The following PDZRN4 variants were observed in gnomAD, a reference collection of about 807,000 sequenced individuals.
PDZRN4 encodes PDZ domain containing ring finger 4.
Under a neutral mutation model 99.0 loss-of-function variants are expected in PDZRN4, and 70 were observed. The observed-to-expected ratio is 0.71, with a 90% CI of 0.58 to 0.86. PDZRN4 has a LOEUF of 0.86. Among genes scored for constraint, PDZRN4 ranks in the 40% least tolerant of loss-of-function variants. PDZRN4 has a pLI of 0.00. For synonymous variants in PDZRN4, 551 were observed against 501.6 expected, an observed-to-expected ratio of 1.10 and a Z score of -1.32; for missense variants, 1,474 against 1,331.2, an observed-to-expected ratio of 1.11 and a Z score of -1.67.
At chr12:41,365,991 G>A (rs918543411) in intron 3 of PDZRN4, among the ~76,000 whole-genome samples, 4 of 152,108 alleles carry the variant, frequency 2.6e-5, no homozygotes, top group Non-Finnish European at 5.9e-5. Flanking sequence ...GCTACTGTGG[G>A]ACATCGTGGC....
At chr12:41,397,457 A>T (rs1262028051) in intron 3 of PDZRN4, among the ~76,000 whole-genome samples, 1 of 152,182 alleles carries the variant, frequency 6.6e-6, no homozygotes, top group Non-Finnish European at 1.5e-5. Context: ...AAAAATGGCC[A>T]ATCAGTAATA....
At chr12:41,413,501 A>G (rs942777096) in intron 3 of PDZRN4, among the ~76,000 whole-genome samples, 3 of 152,114 alleles carry the variant, frequency 2.0e-5, no homozygotes, top group Admixed American at 2.0e-4. Context: ...TATAGTTTCA[A>G]ATAGCTAGAA....
At chr12:41,232,157 G>A (rs1222535616) in intron 3 of PDZRN4, among the ~76,000 whole-genome samples, 2 of 151,710 alleles carry the variant, frequency 1.3e-5, no homozygotes, top group East Asian at 1.9e-4. Flanking sequence ...AATCAATTAC[G>A]GAACTGCATG....
In PDZRN4 at chr12:41,557,279, T is replaced by C. The variant is rs1305026926; in HGVS notation, c.1365+1519T>C. Among the ~76,000 whole-genome samples, 3 of 151,846 alleles carry C rather than the reference T, an allele frequency of 2.0e-5. No homozygotes were observed. In the East Asian group the frequency reaches 5.8e-4, roughly 29 times the overall value. ...ATGGAATTTCACTGCCAATCACAAC[T>C]GTGAAACAGAGAGGAGGACTTGAAT... On this transcript the variant is annotated intron_variant, in intron 7 of 9. Coordinates refer to ENST00000402685, the MANE Select transcript of PDZRN4 (RefSeq NM_001164595.2).
chr12:41,435,420 A>G (rs1007618647), intron 3 of PDZRN4, among the ~76,000 whole-genome samples: 3 of 152,192 alleles, frequency 2.0e-5, no homozygotes, highest in African/African-American at 7.2e-5. Flanking sequence ...GGAAAAAGCA[A>G]ACATTTTCAT....
rs1285667519 is a variant in PDZRN4 at position 41,246,052 on chromosome 12, T to C, written c.843+51864T>C. On this transcript the variant is annotated intron_variant, in intron 3 of 9. Coordinates refer to ENST00000402685, the MANE Select transcript of PDZRN4 (RefSeq NM_001164595.2). ...AGTCTTCAAAATTTAGGATGGTAATTAATAGCATGCAGATTGAGGAGCTTT... is the reference window on the plus strand; with the variant it reads ...AGTCTTCAAAATTTAGGATGGTAATCAATAGCATGCAGATTGAGGAGCTTT... 8.6e-5 allele frequency among the ~76,000 whole-genome samples: 13 copies of C among 151,456 alleles called. 1 individual carries two copies. The highest frequency in any genetic ancestry group is 7.9e-4 in the Admixed American group (12 of 15,250).
chr12:41,417,776 A>T (rs1952456669), intron 3 of PDZRN4, among the ~76,000 whole-genome samples: 2 of 152,222 alleles, frequency 1.3e-5, no homozygotes, highest in South Asian at 4.1e-4. Context: ...AGTGCATGAG[A>T]ATGTTGTAGA....
chr12:41,381,597 ATCTT>A (rs1458635676), intron 3 of PDZRN4, among the ~76,000 whole-genome samples: 1 of 151,992 alleles, frequency 6.6e-6, no homozygotes, highest in Non-Finnish European at 1.5e-5. Context: ...AAAAATATTT[ATCTT>A]TCTTTGTTGA....
intron 3 of PDZRN4, among the ~76,000 whole-genome samples, chr12:41,267,460 C>G (rs889231897): frequency 1.3e-5 from 2 of 151,892 alleles, no homozygotes; most frequent in Non-Finnish European, 2.9e-5. Flanking sequence ...AAGAGAGAAC[C>G]AGGGTTTTCC....
intron 3 of PDZRN4, among the ~76,000 whole-genome samples, chr12:41,455,080 G>A (rs1952807405): frequency 6.6e-6 from 1 of 152,188 alleles, no homozygotes; most frequent in Non-Finnish European, 1.5e-5. Context: ...CAGTTATATA[G>A]AAATGATGTC....
intron 3 of PDZRN4, among the ~76,000 whole-genome samples, chr12:41,404,289 TGA>T (rs1381073876): frequency 6.6e-6 from 1 of 152,084 alleles, no homozygotes; most frequent in Non-Finnish European, 1.5e-5. Flanking sequence ...ATGGCATCTA[TGA>T]GAGAGTGTGA....
chr12:41,317,121 A>C (rs968202399), intron 3 of PDZRN4, among the ~76,000 whole-genome samples: 1 of 142,534 alleles, frequency 7.0e-6, no homozygotes. Context: ...GTATACAAGT[A>C]TGTATATTTG....
intron 3 of PDZRN4, among the ~76,000 whole-genome samples, chr12:41,342,471 C>T (rs1194228970): frequency 1.3e-5 from 2 of 150,978 alleles, no homozygotes; most frequent in Non-Finnish European, 3.0e-5. Context: ...AGTTAATATC[C>T]AGAATATATA....
intron 3 of PDZRN4, among the ~76,000 whole-genome samples, chr12:41,432,436 A>C (rs1565581266): frequency 6.6e-6 from 1 of 152,206 alleles, no homozygotes; most frequent in African/African-American, 2.4e-5. Flanking sequence ...GTCATTGCTA[A>C]TGTGTGTTAC....
rs780424750 is a variant in PDZRN4 at position 41,264,024 on chromosome 12, T to C, written c.843+69836T>C. Among the ~76,000 whole-genome samples, 52 of 152,228 alleles carry C rather than the reference T, an allele frequency of 3.4e-4. No individual in the cohort carries two copies. The East Asian group carries it at 8.3e-3, about 24-fold the overall frequency. ...TTTGTCCTTTCAATTTCAGCAATAT[T>C]TGAAAATATAAAAGTATAGTTAACA... On this transcript the variant is annotated intron_variant, in intron 3 of 9. Coordinates refer to ENST00000402685, the MANE Select transcript of PDZRN4 (RefSeq NM_001164595.2).
chr12:41,488,581 G>A (rs938130016), intron 3 of PDZRN4, among the ~76,000 whole-genome samples: 30 of 152,194 alleles, frequency 2.0e-4, no homozygotes, highest in African/African-American at 5.3e-4. Flanking sequence ...GAAACCTGGC[G>A]TGTAGTCACT....
intron 3 of PDZRN4, among the ~76,000 whole-genome samples, chr12:41,377,405 A>G (rs959273000): frequency 6.6e-6 from 1 of 152,144 alleles, no homozygotes; most frequent in Admixed American, 6.6e-5. Context: ...CGTCTTTCTT[A>G]AAAATTGTAG....
At chr12:41,541,880 T>C (rs1318494652) in intron 5 of PDZRN4, among the ~76,000 whole-genome samples, 1 of 152,250 alleles carries the variant, frequency 6.6e-6, no homozygotes, top group African/African-American at 2.4e-5. Flanking sequence ...ATTATCTGTA[T>C]CTGCTCTTAT....
rs936351732 is a variant in PDZRN4 at position 41,493,841 on chromosome 12, G to T, written c.844-12615G>T. Among the ~76,000 whole-genome samples, 3 of 149,146 alleles carry T rather than the reference G, an allele frequency of 2.0e-5. 1 individual carries two copies. Among genetic ancestry groups the T allele is most frequent in the African/African-American group, 2.5e-5 (1 of 40,804 alleles). ...AAAGGTGGCCTAGGCTGGAAAATTGGCAGGCACTAAGTCACCTCCTTTCTG... is the reference window on the plus strand; with the variant it reads ...AAAGGTGGCCTAGGCTGGAAAATTGTCAGGCACTAAGTCACCTCCTTTCTG... On this transcript the variant is annotated intron_variant, in intron 3 of 9. Transcript: ENST00000402685.
Sources: allele counts gnomAD v4.1 joint callset (sites outside exome capture counted in the v4.1 genomes callset), GRCh38; gene constraint gnomAD v4.1.1; transcripts MANE v1.5; gene names NCBI Gene and HGNC (gene_info 2026-07-23, HGNC 2026-07-21).